The following DHRS7B variants were observed in gnomAD, a reference collection of about 807,000 sequenced individuals.
DHRS7B encodes the protein peroxisomal reductase activating PPAR-gamma.
DHRS7B carries 24 observed loss-of-function variants against 26.4 expected under a neutral mutation model. That is an observed-to-expected ratio of 0.91 (90% confidence interval 0.66 to 1.28). The LOEUF is 1.28. Ranked by LOEUF, DHRS7B falls within the 50% of genes most tolerant of loss-of-function variation. The pLI is 0.00. For synonymous variants in DHRS7B, 142 were observed against 166.4 expected (o/e 0.85, Z 1.13); for missense variants, 368 against 419.4 (o/e 0.88, Z 1.07).
intron 1 of DHRS7B, chr17:21,128,926 A>C (rs1973166445): frequency 6.6e-6 from 1 of 151,862 alleles, no homozygotes; most frequent in East Asian, 1.9e-4. Context: ...CAACAACAAC[A>C]ACAACAAACA....
intron 1 of DHRS7B, among the ~76,000 whole-genome samples, chr17:21,161,028 A>C (rs1041276617): frequency 1.3e-5 from 2 of 152,238 alleles, no homozygotes; most frequent in Non-Finnish European, 2.9e-5. Flanking sequence ...GGAGATAGTT[A>C]AAGGTTCATG....
chr17:21,147,958 G>A (rs1973678060), intron 1 of DHRS7B, among the ~76,000 whole-genome samples: 1 of 152,176 alleles, frequency 6.6e-6, no homozygotes, highest in African/African-American at 2.4e-5. Flanking sequence ...GCTCAAGCCT[G>A]TAATCCCAGG....
At chr17:21,181,136 G>C (rs1974506893) in intron 3 of DHRS7B, among the ~76,000 whole-genome samples, 1 of 152,162 alleles carries the variant, frequency 6.6e-6, no homozygotes, top group Non-Finnish European at 1.5e-5. Context: ...ATCTAGGCTA[G>C]AGTTCAGTAG....
At position 21,191,256 on chromosome 17, in the gene DHRS7B, C is replaced by A; in HGVS notation, c.*103C>A. The A allele has an allele frequency of 8.0e-7, 1 of 1,242,448 alleles. No individual in the cohort carries two copies. 77.0% of individuals were successfully genotyped at this position (1,242,448 alleles called of 1,614,324 possible). On this transcript the variant is annotated 3_prime_UTR_variant, in exon 7 of 7. Coordinates refer to ENST00000395511, the MANE Select transcript of DHRS7B (RefSeq NM_015510.5). ...TTGAGACTTTAATGGAGATTTGTCTCACAAGTGGGAAAGACTGAAGAAACA... is the reference window on the plus strand; with the variant it reads ...TTGAGACTTTAATGGAGATTTGTCTAACAAGTGGGAAAGACTGAAGAAACA...
At chr17:21,172,477 C>A in intron 2 of DHRS7B, 1 of 543,080 alleles carries the variant, frequency 1.8e-6, no homozygotes, top group Non-Finnish European at 3.3e-6. Flanking sequence ...ACCTGCCCCT[C>A]ACAGGGCAGC....
At chr17:21,139,691 T>A (rs1022171370) in intron 1 of DHRS7B, among the ~76,000 whole-genome samples, 5 of 151,506 alleles carry the variant, frequency 3.3e-5, no homozygotes, top group African/African-American at 1.2e-4. Context: ...AAAAAATAAA[T>A]AAATAAAAGA....
At position 21,187,449 on chromosome 17, in the gene DHRS7B, C is replaced by A. The variant is rs188469908; in HGVS notation, c.620-1262C>A. Among the ~76,000 whole-genome samples the A allele has an allele frequency of 2.4e-4, 37 of 151,938 alleles. No individual in the cohort carries two copies. The East Asian group carries it at 3.3e-3, about 14-fold the overall frequency. ...GACCATCCTGGCTAACATAGTGAAA[C>A]CCCGTCTCTACTAAAAAATACAAAA... On this transcript the variant is annotated intron_variant, in intron 5 of 6. Coordinates refer to ENST00000395511, the MANE Select transcript of DHRS7B (RefSeq NM_015510.5).
chr17:21,129,223 T>A (rs1384322050), intron 1 of DHRS7B, among the ~76,000 whole-genome samples: 1 of 152,106 alleles, frequency 6.6e-6, no homozygotes, highest in Non-Finnish European at 1.5e-5. Context: ...GCTGTGAGGA[T>A]ACATAATGGA....
intron 1 of DHRS7B, chr17:21,168,770 G>A (rs1974170202): frequency 2.0e-6 from 2 of 985,480 alleles, no homozygotes; most frequent in African/African-American, 1.7e-5. Flanking sequence ...CCGGGCCAAG[G>A]ATGGATCCCA....
chr17:21,174,363 G>A (rs965503561), intron 2 of DHRS7B, among the ~76,000 whole-genome samples: 4 of 152,232 alleles, frequency 2.6e-5, no homozygotes, highest in Non-Finnish European at 4.4e-5. Context: ...GGAACAGAAC[G>A]TTCTGGATAT....
At chr17:21,168,606 C>T (rs1318355558) in intron 1 of DHRS7B, 6 of 492,728 alleles carry the variant, frequency 1.2e-5, no homozygotes, top group South Asian at 8.7e-5. Flanking sequence ...CAGGCTGAAG[C>T]GATCCCCCTA....
Position 21,183,693 on chromosome 17 carries a change from G to A in DHRS7B, c.409G>A (p.Asp137Asn), listed in dbSNP as rs752311534. Residue 137 changes from aspartate to asparagine, a missense_variant, in exon 4 of 7, where the codon GAC becomes AAC. Coordinates refer to ENST00000395511, the MANE Select transcript of DHRS7B (RefSeq NM_015510.5). ...GATCCTGCAGTGCTTTGGCTATGTCGACATACTTGTCAACAATGCTGGGAT... is the reference window on the plus strand; with the variant it reads ...GATCCTGCAGTGCTTTGGCTATGTCAACATACTTGTCAACAATGCTGGGAT... ...AEILQCFGYV[D>N]ILVNNAGISY... The A allele has an allele frequency of 6.8e-6, 11 of 1,614,152 alleles. No homozygotes were observed. The highest frequency in any genetic ancestry group is 5.5e-5 in the South Asian group (5 of 91,078).
chr17:21,135,306 T>A lies in DHRS7B; in HGVS notation c.20+8315T>A, dbSNP rs75193012. 4.0e-3 allele frequency among the ~76,000 whole-genome samples: 615 copies of A among 152,356 alleles called. 6 individuals are homozygous for A. The highest frequency in any genetic ancestry group is 0.014 in the African/African-American group (598 of 41,572). On this transcript the variant is annotated intron_variant, in intron 1 of 6. Coordinates refer to ENST00000395511, the MANE Select transcript of DHRS7B (RefSeq NM_015510.5). ...TTCATATTTGACAATGCCTCCTGTATAATTTTTGGACCAGATAAGCCAAAT... is the reference window on the plus strand; with the variant it reads ...TTCATATTTGACAATGCCTCCTGTAAAATTTTTGGACCAGATAAGCCAAAT...
intron 1 of DHRS7B, among the ~76,000 whole-genome samples, chr17:21,155,565 C>G (rs1195545921): frequency 6.6e-6 from 1 of 152,138 alleles, no homozygotes; most frequent in Non-Finnish European, 1.5e-5. Flanking sequence ...ATCAGAAAGA[C>G]AGATTTGGCA....
chr17:21,163,025 G>A lies in DHRS7B; in HGVS notation c.21-8993G>A, dbSNP rs763482714. Reference sequence around the variant, plus strand: ...AGCCTGGCCAGCATGGAGAAACCCCGTCTCTACTAAAAACACAAAAATTAG... The same window carrying A: ...AGCCTGGCCAGCATGGAGAAACCCCATCTCTACTAAAAACACAAAAATTAG... On this transcript the variant is annotated intron_variant, in intron 1 of 6. Transcript: ENST00000395511. Among the ~76,000 whole-genome samples, 27 of 151,804 alleles carry A rather than the reference G, an allele frequency of 1.8e-4. 1 individual carries two copies. Among genetic ancestry groups the A allele is most frequent in the Non-Finnish European group, 1.5e-5 (1 of 67,956 alleles).
At chr17:21,182,305 A>T (rs1221209290) in intron 3 of DHRS7B, among the ~76,000 whole-genome samples, 1 of 151,930 alleles carries the variant, frequency 6.6e-6, no homozygotes, top group East Asian at 1.9e-4. Flanking sequence ...CTGGAGTGCA[A>T]TGGTGCGATC....
intron 1 of DHRS7B, among the ~76,000 whole-genome samples, chr17:21,164,275 C>T (rs1296416586): frequency 6.6e-6 from 1 of 151,976 alleles, no homozygotes; most frequent in Admixed American, 6.6e-5. Context: ...AAGCAGTCCT[C>T]CCGCCTCAGC....
At chr17:21,157,615 G>C (rs555287183) in intron 1 of DHRS7B, among the ~76,000 whole-genome samples, 2 of 152,300 alleles carry the variant, frequency 1.3e-5, no homozygotes, top group African/African-American at 4.8e-5. Flanking sequence ...AACTGCTTGA[G>C]CCTGGGCAGT....
At chr17:21,156,890 G>A (rs1250932640) in intron 1 of DHRS7B, among the ~76,000 whole-genome samples, 1 of 134,548 alleles carries the variant, frequency 7.4e-6, no homozygotes, top group South Asian at 2.6e-4. Flanking sequence ...CAGCTAGGGT[G>A]ACAAAAACAA....
Sources: allele counts gnomAD v4.1 joint callset (sites outside exome capture counted in the v4.1 genomes callset), GRCh38; gene constraint gnomAD v4.1.1; transcripts MANE v1.5; gene names NCBI Gene and HGNC (gene_info 2026-07-23, HGNC 2026-07-21).